Variants in TAS2R1 observed in about 807,000 individuals in gnomAD.
The protein encoded by TAS2R1 is taste 2 receptor member 1.
For synonymous variants in TAS2R1, 141 were observed against 134.2 expected, an observed-to-expected ratio of 1.05 and a Z score of -0.35; for missense variants, 370 against 353.4, an observed-to-expected ratio of 1.05 and a Z score of -0.38.
chr5:9,741,308 T>A, the TAS2R1 span, among the ~76,000 whole-genome samples: 1 of 152,002 alleles, frequency 6.6e-6, no homozygotes, highest in Non-Finnish European at 1.5e-5. Context: ...CCAAAGAAAT[T>A]AAGAGATTTT....
At position 9,629,958 on chromosome 5, in the gene TAS2R1, G is replaced by A. The variant is rs905474812; in HGVS notation, c.75C>T (p.Gly25=). The A allele has an allele frequency of 2.5e-6, 4 of 1,608,366 alleles. No individual in the cohort carries two copies. The highest frequency in any genetic ancestry group is 1.7e-6 in the Non-Finnish European group (2 of 1,178,110). The change falls in exon 1 of 1, where the codon GGC becomes GGT. Residue 25 remains glycine (G), a synonymous_variant. Coordinates refer to ENST00000382492, the MANE Select transcript of TAS2R1 (RefSeq NM_019599.3). ...CAATGCCATTCACCACCACAATGATGCCATTTGTGAAAATCCCAAGAAGAA... is the reference window on the plus strand; with the variant it reads ...CAATGCCATTCACCACCACAATGATACCATTTGTGAAAATCCCAAGAAGAA... ...IQFLLGIFTN[G]IIVVVNGIDL...
the TAS2R1 span, among the ~76,000 whole-genome samples, chr5:9,859,593 G>A: frequency 2.0e-5 from 3 of 152,158 alleles, no homozygotes; most frequent in African/African-American, 4.8e-5. Context: ...CTGGGGAGTG[G>A]CCATTATTCT....
At chr5:9,671,605 G>A (rs1383194563) in intron 1 of TAS2R1, among the ~76,000 whole-genome samples, 1 of 151,984 alleles carries the variant, frequency 6.6e-6, no homozygotes, top group African/African-American at 2.4e-5. Flanking sequence ...TCTCTACAAT[G>A]AGAATTACAA....
the TAS2R1 span, among the ~76,000 whole-genome samples, chr5:9,730,946 C>A: frequency 2.6e-5 from 4 of 152,154 alleles, no homozygotes; most frequent in Admixed American, 2.6e-4. Flanking sequence ...GCCTCTCCAG[C>A]CTCATGGAAC....
chr5:9,804,673 A>C, the TAS2R1 span, among the ~76,000 whole-genome samples: 3 of 152,196 alleles, frequency 2.0e-5, no homozygotes, highest in Admixed American at 2.0e-4. Flanking sequence ...TCAAGATGGA[A>C]ATAAAAAATT....
intron 1 of TAS2R1, among the ~76,000 whole-genome samples, chr5:9,700,288 G>T (rs1170261914): frequency 6.6e-6 from 1 of 152,122 alleles, no homozygotes; most frequent in African/African-American, 2.4e-5. Flanking sequence ...GAAATAATGA[G>T]GTTTCCAGAC....
rs149203121 is a variant in TAS2R1 at position 9,710,896 on chromosome 5, C to CACAT, written c.-242+1275_-242+1276insATGT. The stretch of plus-strand genomic sequence containing the variant: ...ATATATATGCATACACACACACACA[C>CACAT]ATATATATATAACCAGATTATATAT... On this transcript the variant is annotated intron_variant, in intron 1 of 2. Transcript: ENST00000506620. Among the ~76,000 whole-genome samples, 54 of 144,096 alleles carry CACAT rather than the reference C, an allele frequency of 3.7e-4. No individual in the cohort carries two copies. In the East Asian group the frequency reaches 4.8e-3, roughly 13 times the overall value. 94.5% of individuals were successfully genotyped at this position (144,096 alleles called of 152,430 possible). A position where few individuals can be genotyped will look rare whatever the true frequency, so the allele number is the denominator to read the frequency against.
intron 1 of TAS2R1, among the ~76,000 whole-genome samples, chr5:9,701,603 G>T (rs1370177482): frequency 6.6e-6 from 1 of 152,210 alleles, no homozygotes; most frequent in Non-Finnish European, 1.5e-5. Flanking sequence ...AAATCTAAAT[G>T]CTAGAAATGA....
upstream of TAS2R1, among the ~76,000 whole-genome samples, chr5:9,633,619 T>G (rs1477177325): frequency 6.6e-6 from 1 of 152,036 alleles, no homozygotes; most frequent in Non-Finnish European, 1.5e-5. Flanking sequence ...TATTATTTTT[T>G]GATGTTTTAA....
chr5:9,896,654 A>T, the TAS2R1 span, among the ~76,000 whole-genome samples: 2 of 152,222 alleles, frequency 1.3e-5, no homozygotes, highest in South Asian at 4.1e-4. Context: ...CCCAAAAACA[A>T]GGGCTAAAGA....
At chr5:9,807,226 G>A in the TAS2R1 span, among the ~76,000 whole-genome samples, 2 of 152,068 alleles carry the variant, frequency 1.3e-5, no homozygotes, top group African/African-American at 4.8e-5. Flanking sequence ...CTGCAAGAAT[G>A]GCCATATTCA....
Position 9,711,465 on chromosome 5 carries a change from A to G in TAS2R1, c.-242+707T>C, listed in dbSNP as rs987100675. Reference sequence around the variant, plus strand: ...TTATATGAGGTATCTAAAGTAGTCAAACTCACAGAAGCACAGAGTAGAATG... The same window carrying G: ...TTATATGAGGTATCTAAAGTAGTCAGACTCACAGAAGCACAGAGTAGAATG... On this transcript the variant is annotated intron_variant, in intron 1 of 2. Transcript: ENST00000506620. Among the ~76,000 whole-genome samples the G allele has an allele frequency of 2.6e-5, 4 of 152,212 alleles. No homozygotes were observed. In the South Asian group the frequency reaches 6.2e-4, roughly 24 times the overall value.
chr5:9,847,976 A>G, the TAS2R1 span, among the ~76,000 whole-genome samples: 2 of 152,360 alleles, frequency 1.3e-5, no homozygotes, highest in African/African-American at 2.4e-5. Flanking sequence ...GACTTACTGA[A>G]TCAGAAACTC....
In TAS2R1 at chr5:9,652,578, C is replaced by A. The variant is rs60300119; in HGVS notation, c.-81+6843G>T. ...TGGAGATTTACCATGGCTGCCTGCC[C>A]CCACCACACACACAATGGACAGAAA... On this transcript the variant is annotated intron_variant, in intron 2 of 2. Coordinates refer to the TAS2R1 transcript ENST00000506620. 6.1e-3 allele frequency among the ~76,000 whole-genome samples: 924 copies of A among 152,208 alleles called. 9 individuals are homozygous for A. The highest frequency in any genetic ancestry group is 0.021 in the African/African-American group (862 of 41,534).
the TAS2R1 span, among the ~76,000 whole-genome samples, chr5:9,806,645 G>A: frequency 1.3e-5 from 2 of 152,222 alleles, no homozygotes; most frequent in East Asian, 3.9e-4. Flanking sequence ...ACATAAAGTA[G>A]GGAAAGGCCA....
In TAS2R1 at chr5:9,661,457, C is replaced by T. The variant is rs74406714; in HGVS notation, c.-241-1876G>A. On this transcript the variant is annotated intron_variant, in intron 1 of 2. Transcript: ENST00000506620. ...CTGACATTAAAGGTGGTTTCAATCA[C>T]GTCTGGCACCGACTGAAAAAATGTA... Among the ~76,000 whole-genome samples the T allele has an allele frequency of 6.4e-3, 974 of 152,262 alleles. 8 individuals carry two copies. The highest frequency in any genetic ancestry group is 0.021 in the African/African-American group (859 of 41,540).
At chr5:9,719,769 T>C in the TAS2R1 span, among the ~76,000 whole-genome samples, 6 of 148,036 alleles carry the variant, frequency 4.1e-5, no homozygotes, top group Admixed American at 2.7e-4. Context: ...ACAAAAAAAA[T>C]TAGCCGGGCG....
At chr5:9,673,802 C>T (rs1015083889) in intron 1 of TAS2R1, among the ~76,000 whole-genome samples, 2 of 152,050 alleles carry the variant, frequency 1.3e-5, no homozygotes, top group Non-Finnish European at 2.9e-5. Flanking sequence ...TCTTGCTGTC[C>T]CTTGTGGCAC....
chr5:9,809,064 G>A, the TAS2R1 span, among the ~76,000 whole-genome samples: 4 of 152,106 alleles, frequency 2.6e-5, no homozygotes, highest in Non-Finnish European at 4.4e-5. Context: ...GAATGAGAAC[G>A]TCTATCCTAT....
Sources: allele counts gnomAD v4.1 joint callset (sites outside exome capture counted in the v4.1 genomes callset), GRCh38; gene constraint gnomAD v4.1.1; transcripts MANE v1.5; gene names NCBI Gene and HGNC (gene_info 2026-07-23, HGNC 2026-07-21).